Variants in CHL1 observed in about 807,000 individuals in gnomAD.
CHL1 encodes cell adhesion molecule L1 like, also known as neural cell adhesion molecule L1-like protein.
A neutral mutation model predicts 141.9 loss-of-function variants in CHL1; 96 were observed. The observed-to-expected ratio is 0.68, with a 90% CI of 0.57 to 0.80. The LOEUF is 0.80. CHL1 is among the 30% of genes least tolerant of loss of function. The probability of loss-of-function intolerance (pLI) is 0.00; values close to 1 mark genes in which losing one functional copy is unlikely to be tolerated. For synonymous variants in CHL1, 613 were observed against 502.2 expected, an observed-to-expected ratio of 1.22 and a Z score of -2.95; for missense variants, 1,820 against 1,457.2, an observed-to-expected ratio of 1.25 and a Z score of -4.05.
rs770440792 is a variant in CHL1 at position 319,755 on chromosome 3, G to C, written c.-22G>C. 4 of 1,500,990 alleles carry C rather than the reference G, an allele frequency of 2.7e-6. No individual in the cohort carries two copies. In the South Asian group the frequency reaches 3.4e-5, roughly 13 times the overall value. The allele number at this position is 1,500,990 out of a possible 1,614,324, so 93.0% of individuals were successfully genotyped here. On this transcript the variant is annotated 5_prime_UTR_variant, in exon 3 of 28. Transcript: ENST00000256509. ...ACATTAAGATTTTCATTCTTACCGG[G>C]TTGTCTTCTTCCTGAAGAGCAATGG...
intron 2 of CHL1, chr3:246,701 A>C (rs1032942439): frequency 1.3e-5 from 2 of 152,150 alleles, no homozygotes; most frequent in African/African-American, 4.8e-5. Context: ...AGGTTTCAAC[A>C]CCCAAATTTA....
intron 2 of CHL1, among the ~76,000 whole-genome samples, chr3:286,755 T>C (rs1208549259): frequency 1.3e-5 from 2 of 152,202 alleles, no homozygotes; most frequent in Non-Finnish European, 2.9e-5. Context: ...GGATTATTCA[T>C]GATTTTCCAG....
In CHL1 at chr3:338,330, A is replaced by AT. The variant is rs1239367652; in HGVS notation, c.386-2457dup. Among the ~76,000 whole-genome samples, 3 of 152,248 alleles carry AT rather than the reference A, an allele frequency of 2.0e-5. No individual in the cohort carries two copies. The East Asian group carries it at 5.8e-4, about 29-fold the overall frequency. On this transcript the variant is annotated intron_variant, in intron 5 of 27. Coordinates refer to ENST00000256509, the MANE Select transcript of CHL1 (RefSeq NM_006614.4). The stretch of plus-strand genomic sequence containing the variant: ...AATTACCTCATTTACCGAAAAAAAT[A>AT]TTTTTTTAATTTACTTTTAAAAATA...
chr3:271,668 A>C (rs1695647832), intron 2 of CHL1, among the ~76,000 whole-genome samples: 1 of 152,244 alleles, frequency 6.6e-6, no homozygotes, highest in Non-Finnish European at 1.5e-5. Flanking sequence ...CGCAGAGCAG[A>C]GAAGGCTGAT....
At chr3:215,251 G>C (rs1301506497) in intron 1 of CHL1, among the ~76,000 whole-genome samples, 1 of 152,152 alleles carries the variant, frequency 6.6e-6, no homozygotes, top group African/African-American at 2.4e-5. Flanking sequence ...ATGAAATCCT[G>C]TCATTGTGGT....
At chr3:356,436 C>T (rs1237894337) in intron 11 of CHL1, among the ~76,000 whole-genome samples, 2 of 151,994 alleles carry the variant, frequency 1.3e-5, no homozygotes, top group African/African-American at 2.4e-5. Flanking sequence ...TCTATGTTCC[C>T]GGCACTGGAC....
At chr3:303,206 G>C (rs1451125519) in intron 2 of CHL1, among the ~76,000 whole-genome samples, 1 of 152,178 alleles carries the variant, frequency 6.6e-6, no homozygotes, top group African/African-American at 2.4e-5. Context: ...TCTTGCCCAG[G>C]ATTGTTTTGG....
At chr3:197,147 G>C (rs1017034461) in intron 1 of CHL1, 84 bp downstream of exon 1, 1 of 152,408 alleles carries the variant, frequency 6.6e-6, no homozygotes, top group Non-Finnish European at 1.5e-5. Flanking sequence ...AAGGTGCTCC[G>C]GGAGGGGTCC....
chr3:293,230 A>C (rs1042213290), intron 2 of CHL1, among the ~76,000 whole-genome samples: 1 of 152,206 alleles, frequency 6.6e-6, no homozygotes, highest in Non-Finnish European at 1.5e-5. Context: ...GGCTGAGTGC[A>C]GCGGCTCATG....
intron 26 of CHL1, among the ~76,000 whole-genome samples, chr3:399,455 C>T (rs1270569140): frequency 2.0e-5 from 3 of 152,064 alleles, no homozygotes; most frequent in Admixed American, 6.6e-5. Context: ...TCCTGGCCAA[C>T]ATGATGAAAC....
intron 1 of CHL1, among the ~76,000 whole-genome samples, chr3:206,754 G>A (rs1699479400): frequency 1.3e-5 from 2 of 152,122 alleles, no homozygotes; most frequent in African/African-American, 4.8e-5. Flanking sequence ...TCCTGTACCA[G>A]ACCCTGGGCA....
intron 1 of CHL1, among the ~76,000 whole-genome samples, chr3:198,994 A>G (rs1698677424): frequency 6.6e-6 from 1 of 152,190 alleles, no homozygotes; most frequent in Admixed American, 6.5e-5. Context: ...TTTATCCCAG[A>G]GTTTTTCTTT....
chr3:394,090 A>T (rs1366061281), intron 23 of CHL1, among the ~76,000 whole-genome samples: 1 of 152,184 alleles, frequency 6.6e-6, no homozygotes, highest in African/African-American at 2.4e-5. Flanking sequence ...AAATTCTTTG[A>T]AAGAAGCTGT....
At chr3:239,553 T>G (rs965527889) in intron 1 of CHL1, among the ~76,000 whole-genome samples, 4 of 150,964 alleles carry the variant, frequency 2.6e-5, no homozygotes, top group Admixed American at 2.0e-4. Context: ...ATGTGTAGCT[T>G]TAATGCATTC....
chr3:252,316 C>T (rs1325144154), intron 2 of CHL1, among the ~76,000 whole-genome samples: 4 of 133,436 alleles, frequency 3.0e-5, no homozygotes, highest in African/African-American at 1.1e-4. Flanking sequence ...TTATGTTAAA[C>T]ATTTAATCTT....
At chr3:334,488 T>A (rs1208331704) in intron 5 of CHL1, among the ~76,000 whole-genome samples, 1 of 152,216 alleles carries the variant, frequency 6.6e-6, no homozygotes, top group African/African-American at 2.4e-5. Context: ...ATTTTCTGCC[T>A]CCTTAAATGT....
chr3:332,018 T>A (rs1272065879), intron 5 of CHL1, among the ~76,000 whole-genome samples: 1 of 152,262 alleles, frequency 6.6e-6, no homozygotes, highest in African/African-American at 2.4e-5. Flanking sequence ...AAACATTTTC[T>A]AATCCCCTCC....
chr3:300,857 A>G (rs1042863741), intron 2 of CHL1, among the ~76,000 whole-genome samples: 1 of 152,232 alleles, frequency 6.6e-6, no homozygotes, highest in Non-Finnish European at 1.5e-5. Flanking sequence ...CTGAAGGATA[A>G]GAGTTGCCAT....
At chr3:320,085 T>G (rs1339030174) in intron 3 of CHL1, among the ~76,000 whole-genome samples, 2 of 152,050 alleles carry the variant, frequency 1.3e-5, no homozygotes, top group East Asian at 1.9e-4. Context: ...TAGTTCCTTA[T>G]GCAAACTTAG....
Sources: gnomAD v4.1 joint callset for allele counts (sites outside exome capture counted in the v4.1 genomes callset) on GRCh38, gnomAD v4.1.1 for gene constraint, MANE v1.5 for transcripts, NCBI Gene and HGNC (gene_info 2026-07-23, HGNC 2026-07-21) for gene names.